The following NOX4 variants were observed in gnomAD, a reference collection of about 807,000 sequenced individuals.
NOX4 encodes NADPH oxidase 4.
NOX4 carries 69 observed loss-of-function variants against 87.6 expected under a neutral mutation model. The observed-to-expected ratio is 0.79, with a 90% CI of 0.65 to 0.96. NOX4 has a LOEUF of 0.96. NOX4 is among the 40% of genes least tolerant of loss of function. The pLI is 0.00. For synonymous variants in NOX4, 275 were observed against 238.2 expected (o/e 1.15, Z -1.42); for missense variants, 680 against 681.5 (o/e 1.00, Z 0.02).
intron 2 of NOX4, among the ~76,000 whole-genome samples, chr11:89,488,696 A>G (rs923721916): frequency 8.5e-5 from 13 of 152,178 alleles, no homozygotes; most frequent in African/African-American, 2.9e-4. Flanking sequence ...AGCAAATTTT[A>G]CCATTCTATA....
the NOX4 span, among the ~76,000 whole-genome samples, chr11:89,564,179 C>T: frequency 6.6e-6 from 1 of 152,130 alleles, no homozygotes; most frequent in Non-Finnish European, 1.5e-5. Flanking sequence ...TTAGTCCATT[C>T]TCACAATGCT....
At chr11:89,371,065 C>T (rs965048155) in intron 12 of NOX4, among the ~76,000 whole-genome samples, 5 of 151,992 alleles carry the variant, frequency 3.3e-5, no homozygotes, top group Non-Finnish European at 7.4e-5. Context: ...ACCTACTGCT[C>T]TTAATACCGA....
the NOX4 span, among the ~76,000 whole-genome samples, chr11:89,515,630 T>C: frequency 1.3e-5 from 2 of 151,920 alleles, no homozygotes; most frequent in Admixed American, 1.3e-4. Context: ...TAAGAAATAT[T>C]TGCCTATACC....
chr11:89,342,140 T>C lies in NOX4; in HGVS notation c.1271A>G (p.Glu424Gly). The C allele has an allele frequency of 6.2e-7, 1 of 1,612,036 alleles. No individual in the cohort carries two copies. Among genetic ancestry groups the C allele is most frequent in the Non-Finnish European group, 8.5e-7 (1 of 1,178,172 alleles). ...GSPFEESLNYEVSLCVAGGIG... is the reference protein window; with the variant it reads ...GSPFEESLNYGVSLCVAGGIG... ...GCCTCCAGCCACGCAGAGGCTGACC[T>C]CATAGTTCAGTGATTCCTCAAATGG... is the stretch of plus-strand genomic sequence containing the variant. Residue 424 changes from glutamate to glycine, a missense_variant, in exon 14 of 18, where the codon GAG becomes GGG. Coordinates refer to ENST00000263317, the MANE Select transcript of NOX4 (RefSeq NM_016931.5).
the NOX4 span, among the ~76,000 whole-genome samples, chr11:89,536,470 GTTCCATATGATCCTTCTGCTTCCTT>G: frequency 2.0e-5 from 3 of 152,174 alleles, no homozygotes; most frequent in East Asian, 5.8e-4. Context: ...TACCTCTGCA[GTTCCATATGATCCTTCTGCTTCCTT>G]TTCCAAGTTC....
chr11:89,380,197 G>A (rs1940174137), intron 11 of NOX4, among the ~76,000 whole-genome samples: 2 of 152,158 alleles, frequency 1.3e-5, no homozygotes, highest in African/African-American at 4.8e-5. Flanking sequence ...ACACTGGTAT[G>A]TTGTAATACT....
At chr11:89,574,802 T>C in the NOX4 span, among the ~76,000 whole-genome samples, 1 of 152,218 alleles carries the variant, frequency 6.6e-6, no homozygotes, top group Admixed American at 6.5e-5. Flanking sequence ...CATTTAGAGA[T>C]GAATCTGGAT....
the NOX4 span, among the ~76,000 whole-genome samples, chr11:89,559,702 T>C: frequency 1.3e-4 from 20 of 152,292 alleles, no homozygotes; most frequent in African/African-American, 4.8e-4. Context: ...ATTATGTTTA[T>C]ATATTTAATT....
chr11:89,512,366 CTCTGGAATATGCTTATAT>C, the NOX4 span, among the ~76,000 whole-genome samples: 1 of 152,024 alleles, frequency 6.6e-6, no homozygotes, highest in Non-Finnish European at 1.5e-5. Context: ...TACAGCAGAT[CTCTGGAATATGCTTATAT>C]TGCACAACTG....
chr11:89,560,978 C>CTG, the NOX4 span, among the ~76,000 whole-genome samples: 2 of 73,074 alleles, frequency 2.7e-5, no homozygotes, highest in Non-Finnish European at 5.0e-5. Context: ...CTCTCTCTCT[C>CTG]TCTCTCTCTC....
At chr11:89,381,719 T>TC (rs1239352371) in intron 11 of NOX4, among the ~76,000 whole-genome samples, 2 of 152,146 alleles carry the variant, frequency 1.3e-5, no homozygotes, top group East Asian at 3.9e-4. Context: ...GGGAGATCAA[T>TC]CCCCTGTCCT....
At chr11:89,392,960 A>C (rs2135143542) in intron 11 of NOX4, among the ~76,000 whole-genome samples, 1 of 152,272 alleles carries the variant, frequency 6.6e-6, no homozygotes. Context: ...TCCCCAGAAC[A>C]AAAGATAAGC....
At chr11:89,519,749 G>T in the NOX4 span, among the ~76,000 whole-genome samples, 2 of 151,986 alleles carry the variant, frequency 1.3e-5, no homozygotes, top group African/African-American at 4.8e-5. Context: ...ACAAGAGTGT[G>T]TATTTCAAAT....
Position 89,324,904 on chromosome 11 carries a change from A to G in NOX4, c.*1852T>C, listed in dbSNP as rs1945160912. 1.3e-5 allele frequency: 2 copies of G among 152,088 alleles called. No homozygotes were observed. Among genetic ancestry groups the G allele is most frequent in the Admixed American group, 6.5e-5 (1 of 15,274 alleles). The allele number at this position is 152,088 out of a possible 1,614,324, so 9.4% of individuals were successfully genotyped here. On this transcript the variant is annotated 3_prime_UTR_variant, in exon 18 of 18. Transcript: ENST00000263317. Reference sequence around the variant, plus strand: ...TTCAAGGAAAGGAAGAAATATCTACAAGTAAATATCATTCAGTATGGGTTA... The same window carrying G: ...TTCAAGGAAAGGAAGAAATATCTACGAGTAAATATCATTCAGTATGGGTTA...
chr11:89,358,386 CAAAAAAAAAA>C, intron 12 of NOX4, among the ~76,000 whole-genome samples: 1 of 78,166 alleles, frequency 1.3e-5, no homozygotes, highest in South Asian at 4.9e-4. Context: ...AACTTAATCT[CAAAAAAAAAA>C]AAAAAAAAAA....
chr11:89,374,042 G>A (rs1006100185), intron 11 of NOX4, among the ~76,000 whole-genome samples: 8 of 152,104 alleles, frequency 5.3e-5, no homozygotes, highest in African/African-American at 1.9e-4. Context: ...AGAGGGATGA[G>A]TTGTGGAAGT....
chr11:89,401,258 A>T (rs1941837979), intron 9 of NOX4, among the ~76,000 whole-genome samples: 1 of 152,090 alleles, frequency 6.6e-6, no homozygotes. Flanking sequence ...ACTACAAGAC[A>T]AGGTCTGCAA....
intron 4 of NOX4, 126 bp from the exon 5 acceptor site, chr11:89,444,358 T>G (rs1944590352): frequency 4.1e-6 from 3 of 723,418 alleles, no homozygotes; most frequent in Non-Finnish European, 6.9e-6. Context: ...CAATGAAATA[T>G]TACATTGAAA....
intron 12 of NOX4, among the ~76,000 whole-genome samples, chr11:89,357,147 C>T (rs1938127267): frequency 6.6e-6 from 1 of 152,042 alleles, no homozygotes; most frequent in African/African-American, 2.4e-5. Flanking sequence ...TCCTGAGAAG[C>T]AGAATGTATA....
Sources: gnomAD v4.1 joint callset for allele counts (sites outside exome capture counted in the v4.1 genomes callset) on GRCh38, gnomAD v4.1.1 for gene constraint, MANE v1.5 for transcripts, NCBI Gene and HGNC (gene_info 2026-07-23, HGNC 2026-07-21) for gene names.